TMPRSS11B: variants seen among roughly 807,000 people sequenced by gnomAD.
TMPRSS11B encodes the protein transmembrane serine protease 11B.
Under a neutral mutation model 44.7 loss-of-function variants are expected in TMPRSS11B, and 53 were observed. That is an observed-to-expected ratio of 1.19 (90% CI 0.95 to 1.49). The LOEUF is 1.49. Among genes scored for constraint, TMPRSS11B ranks in the 40% most tolerant of loss-of-function variants. The pLI, the probability that TMPRSS11B is intolerant of heterozygous loss-of-function variation, is 0.00. For missense variants in TMPRSS11B, 526 were observed against 494.8 expected (o/e 1.06, Z -0.60); for synonymous variants, 140 against 159.2 (o/e 0.88, Z 0.91).
Position 68,231,384 on chromosome 4 carries a change from G to A in TMPRSS11B, c.509-4C>T. The A allele has an allele frequency of 6.2e-7, 1 of 1,607,690 alleles. No homozygotes were observed. On this transcript the variant is annotated splice_polypyrimidine_tract_variant and splice_region_variant and intron_variant, in intron 6 of 9. Transcript: ENST00000332644. ...TTGGCTACTTGTCTCCCACAACCTA[G>A]AGAAAGGATTTATTTACACGAGAGC...
At position 68,238,489 on chromosome 4, in the gene TMPRSS11B, G is replaced by C. The variant is rs537259639; in HGVS notation, c.125-2223C>G. 3.2e-4 allele frequency among the ~76,000 whole-genome samples: 49 copies of C among 151,666 alleles called. No individual in the cohort carries two copies. The South Asian group carries it at 0.01, about 32-fold the overall frequency. On this transcript the variant is annotated intron_variant, in intron 2 of 9. Transcript: ENST00000332644. The stretch of plus-strand genomic sequence containing the variant: ...CTGTAATCCCAGAACTTTGGAGGCA[G>C]AGGTGAGAGGATCACTTGAGGTCAG...
chr4:68,228,151 C>A, intron 9 of TMPRSS11B, 79 bp from the exon 10 acceptor site: 1 of 1,287,876 alleles, frequency 7.8e-7, no homozygotes, highest in Non-Finnish European at 1.0e-6. Flanking sequence ...TTATCTGTAC[C>A]TCCTGGGCAC....
chr4:68,240,039 T>C (rs1009560355), intron 2 of TMPRSS11B, among the ~76,000 whole-genome samples: 10 of 152,158 alleles, frequency 6.6e-5, no homozygotes, highest in African/African-American at 2.4e-4. Flanking sequence ...GAAATACTTA[T>C]CTCTGAGTTA....
intron 4 of TMPRSS11B, among the ~76,000 whole-genome samples, chr4:68,235,184 T>G (rs1719625992): frequency 6.6e-6 from 1 of 152,222 alleles, no homozygotes. Flanking sequence ...AGTACATTCT[T>G]TTGATTAATC....
At chr4:68,233,261 C>T (rs900489957) in intron 5 of TMPRSS11B, among the ~76,000 whole-genome samples, 1 of 152,034 alleles carries the variant, frequency 6.6e-6, no homozygotes, top group African/African-American at 2.4e-5. Context: ...ATTAGTGGTT[C>T]ACTGGTAACG....
rs1322218756 is a variant in TMPRSS11B at position 68,241,809 on chromosome 4, G to A, written c.9-5C>T. ...CTTTGGGAAGATATGCCGTGCCTAT[G>A]AAAGAGGAAAATTTTGGTTCAAATC... is the stretch of plus-strand genomic sequence containing the variant. On this transcript the variant is annotated splice_polypyrimidine_tract_variant and splice_region_variant and intron_variant, in intron 1 of 9. Coordinates refer to ENST00000332644, the MANE Select transcript of TMPRSS11B (RefSeq NM_182502.3). 2 of 1,598,080 alleles carry A rather than the reference G, an allele frequency of 1.3e-6. No homozygotes were observed. The highest frequency in any genetic ancestry group is 1.1e-5 in the South Asian group (1 of 90,682).
rs1719368069 is a variant in TMPRSS11B, at chr4:68,226,977, A to T, written c.*934T>A. The T allele has an allele frequency of 6.6e-6, 1 of 152,238 alleles. No homozygotes were observed. The highest frequency in any genetic ancestry group is 1.5e-5 in the Non-Finnish European group (1 of 68,050). 9.4% of individuals were successfully genotyped at this position (152,238 alleles called of 1,614,324 possible). A position where few individuals can be genotyped will look rare whatever the true frequency, so the allele number is the denominator to read the frequency against. On this transcript the variant is annotated 3_prime_UTR_variant, in exon 10 of 10. Coordinates refer to ENST00000332644, the MANE Select transcript of TMPRSS11B (RefSeq NM_182502.3). ...CAACTCAATGAGGACAAATTTGTGT[A>T]AGGATAAATTTGTCAACTTATCACA...
intron 2 of TMPRSS11B, 144 bp from the exon 3 acceptor site, chr4:68,236,410 T>C (rs1194649722): frequency 1.7e-6 from 1 of 592,664 alleles, no homozygotes; most frequent in Non-Finnish European, 3.0e-6. Flanking sequence ...ACCTCTGCCT[T>C]AACATTTATA....
In TMPRSS11B at chr4:68,229,293, C is replaced by T. The variant is rs1719441803; in HGVS notation, c.910G>A (p.Val304Ile). Residue 304 changes from valine (V) to isoleucine (I), a missense_variant, in exon 8 of 10, where the codon GTT becomes ATT. Val to Ile is a conservative substitution (Grantham distance 29, BLOSUM62 3). Coordinates refer to ENST00000332644, the MANE Select transcript of TMPRSS11B (RefSeq NM_182502.3). ...AGTGTTCCCCAACCTGTAACTACAA[C>T]ATTGTCATTTTCTGAGAGCTTCATT... ...AKMKLSENDN[V>I]VVTGWGTLYM... is the part of the protein sequence containing the mutation. 1 of 1,612,834 alleles carries T rather than the reference C, an allele frequency of 6.2e-7. No homozygotes were observed. The highest frequency in any genetic ancestry group is 8.5e-7 in the Non-Finnish European group (1 of 1,179,312).
At chr4:68,229,576 T>A (rs904816184) in intron 7 of TMPRSS11B, 60 bp from the exon 8 acceptor site, 29 of 1,467,922 alleles carry the variant, frequency 2.0e-5, no homozygotes, top group Non-Finnish European at 2.6e-5. Context: ...CTGTTCTTAG[T>A]GGTGATTATC....
In TMPRSS11B at chr4:68,236,353, C is replaced by T. The variant is rs1051546288; in HGVS notation, c.125-87G>A. The T allele has an allele frequency of 1.4e-5, 11 of 787,276 alleles. No individual in the cohort carries two copies. The African/African-American group carries it at 1.8e-4, about 13-fold the overall frequency. 48.8% of individuals were successfully genotyped at this position (787,276 alleles called of 1,614,324 possible). On this transcript the variant is annotated intron_variant, in intron 2 of 9. Coordinates refer to ENST00000332644, the MANE Select transcript of TMPRSS11B (RefSeq NM_182502.3). The stretch of plus-strand genomic sequence containing the variant: ...TTTATACCTCTGCCTCAACATTCCA[C>T]CCAGCTTTAGAAATAATCCATTTAT...
rs761412067 is a variant in TMPRSS11B at position 68,229,458 on chromosome 4, T to C, written c.745A>G (p.Met249Val). The C allele has an allele frequency of 6.2e-7, 1 of 1,613,628 alleles. No individual in the cohort carries two copies. Among genetic ancestry groups the C allele is most frequent in the Non-Finnish European group, 8.5e-7 (1 of 1,179,592 alleles). Residue 249 changes from methionine (M) to valine (V), a missense_variant, in exon 8 of 10, where the codon ATG becomes GTG. By Grantham distance (21) the Met-to-Val change is conservative. Coordinates refer to ENST00000332644, the MANE Select transcript of TMPRSS11B (RefSeq NM_182502.3). The part of the protein sequence containing the change: ...NFGIVVNKPY[M>V]TRKVQNIIFH... ...ATAATGTTTTGGACTTTCCGTGTCA[T>C]ATATGGTTTATTTACTACAATTCCA...
chr4:68,231,319 GC>G lies in TMPRSS11B; in HGVS notation c.569del (p.Ser190ThrfsTer25). ...ITGNKIVNGK[S>X]SLEGAWPWQA... is the part of the protein sequence containing the mutation. ...GCCATGGCCATGCCCCCTCCAGGGA[GC>G]TTTTTCCATTCACAATTTTGTTGCC... is the stretch of plus-strand genomic sequence containing the variant. On this transcript the variant is annotated frameshift_variant, in exon 7 of 10. Coordinates refer to ENST00000332644, the MANE Select transcript of TMPRSS11B (RefSeq NM_182502.3). LOFTEE classifies it high-confidence loss of function. 6.2e-7 allele frequency: 1 copy of G among 1,613,902 alleles called. No individual in the cohort carries two copies. Among genetic ancestry groups the G allele is most frequent in the Non-Finnish European group, 8.5e-7 (1 of 1,179,876 alleles).
At chr4:68,231,436 A>G in intron 6 of TMPRSS11B, 56 bp from the exon 7 acceptor site, 4 of 1,451,430 alleles carry the variant, frequency 2.8e-6, no homozygotes, top group Non-Finnish European at 3.7e-6. Flanking sequence ...GCATTATAAA[A>G]AAATATATCA....
chr4:68,242,348 T>TATATGTAATATATATTATAATATATA (rs1719878613), intron 1 of TMPRSS11B, among the ~76,000 whole-genome samples: 2 of 81,266 alleles, frequency 2.5e-5, no homozygotes, highest in East Asian at 2.8e-4. Flanking sequence ...ATATATATTA[T>TATATGTAATATATATTATAATATATA]ATATAATATT....
At position 68,227,993 on chromosome 4, in the gene TMPRSS11B, C is replaced by G; in HGVS notation, c.1169G>C (p.Gly390Ala). 1 of 1,613,892 alleles carries G rather than the reference C, an allele frequency of 6.2e-7. No individual in the cohort carries two copies. Among genetic ancestry groups the G allele is most frequent in the Non-Finnish European group, 8.5e-7 (1 of 1,179,950 alleles). ...HLVGIVSWGDGCGKKNKPGVY... is the reference protein window; with the variant it reads ...HLVGIVSWGDACGKKNKPGVY... ...ACCTGGCTTATTCTTTTTACCACATCCATCACCCCAGCTTACTATTCCAAC... is the reference window on the plus strand; with the variant it reads ...ACCTGGCTTATTCTTTTTACCACATGCATCACCCCAGCTTACTATTCCAAC... Residue 390 changes from glycine (G) to alanine (A), a missense_variant, in exon 10 of 10, where the codon GGA becomes GCA. Transcript: ENST00000332644.
Position 68,228,023 on chromosome 4 carries a change from T to C in TMPRSS11B, c.1139A>G (p.His380Arg). 1 of 1,613,798 alleles carries C rather than the reference T, an allele frequency of 6.2e-7. No homozygotes were observed. The highest frequency in any genetic ancestry group is 8.5e-7 in the Non-Finnish European group (1 of 1,179,892). ...LAYPDSRNIWHLVGIVSWGDG... is the reference protein window; with the variant it reads ...LAYPDSRNIWRLVGIVSWGDG... Reference sequence around the variant, plus strand: ...ACCCCAGCTTACTATTCCAACAAGATGCCAGATATTTCTGGAATCAGGGTA... The same window carrying C: ...ACCCCAGCTTACTATTCCAACAAGACGCCAGATATTTCTGGAATCAGGGTA... Residue 380 changes from histidine (H) to arginine (R), a missense_variant, in exon 10 of 10, where the codon CAT (histidine) becomes CGT (arginine). Physicochemically the swap from His to Arg is conservative, Grantham distance 29. Coordinates refer to ENST00000332644, the MANE Select transcript of TMPRSS11B (RefSeq NM_182502.3).
chr4:68,227,903 CT>C lies in TMPRSS11B; in HGVS notation c.*7del, dbSNP rs746163004. ...GTCTTTATGTTCCTTTGTATAATTC[CT>C]TTTTTTTCAGAGTCCAGTCTTGGAT... On this transcript the variant is annotated 3_prime_UTR_variant, in exon 10 of 10. Coordinates refer to ENST00000332644, the MANE Select transcript of TMPRSS11B (RefSeq NM_182502.3). 43 of 1,594,458 alleles carry C rather than the reference CT, an allele frequency of 2.7e-5. No individual in the cohort carries two copies. Among genetic ancestry groups the C allele is most frequent in the Admixed American group, 1.8e-4 (10 of 55,862 alleles).
intron 1 of TMPRSS11B, among the ~76,000 whole-genome samples, chr4:68,243,568 T>C (rs1462586126): frequency 2.0e-5 from 3 of 152,288 alleles, no homozygotes; most frequent in East Asian, 3.9e-4. Context: ...ACCAGAATGC[T>C]GTTGTTTAAT....
Sources: gnomAD v4.1 joint callset for allele counts (sites outside exome capture counted in the v4.1 genomes callset) on GRCh38, gnomAD v4.1.1 for gene constraint, MANE v1.5 for transcripts, NCBI Gene and HGNC (gene_info 2026-07-23, HGNC 2026-07-21) for gene names.